The following KAZN variants were observed in gnomAD, a reference collection of about 807,000 sequenced individuals.
KAZN encodes the protein kazrin, periplakin interacting protein, also known as kazrin.
Under a neutral mutation model 87.4 loss-of-function variants are expected in KAZN, and 40 were observed. The ratio of observed to expected loss-of-function variants is 0.46; its 90% CI spans 0.36 to 0.60. The LOEUF is 0.60. Among genes scored for constraint, KAZN ranks in the 20% least tolerant of loss-of-function variants. The pLI, the probability that KAZN is intolerant of heterozygous loss-of-function variation, is 0.00. For synonymous variants in KAZN, 466 were observed against 458.3 expected, an observed-to-expected ratio of 1.02 and a Z score of -0.22; for missense variants, 898 against 1,073.9, an observed-to-expected ratio of 0.84 and a Z score of 2.29.
chr1:14,220,223 A>G (rs1343620807), intron 2 of KAZN, among the ~76,000 whole-genome samples: 3 of 152,174 alleles, frequency 2.0e-5, no homozygotes, highest in Non-Finnish European at 4.4e-5. Flanking sequence ...AGCTCCAGAC[A>G]TGTATTTCTG....
At chr1:14,162,149 T>TCA (rs1045497037) in intron 1 of KAZN, among the ~76,000 whole-genome samples, 7 of 152,236 alleles carry the variant, frequency 4.6e-5, no homozygotes, top group Non-Finnish European at 7.3e-5. Context: ...TCTCAGTCAC[T>TCA]GTTCCTTTTA....
In KAZN at chr1:14,737,609, T is replaced by C. The variant is rs780253598; in HGVS notation, c.226+138386T>C. Among the ~76,000 whole-genome samples, 10 of 152,336 alleles carry C rather than the reference T, an allele frequency of 6.6e-5. No individual in the cohort carries two copies. The South Asian group carries it at 1.2e-3, about 19-fold the overall frequency. ...CTTCTGGAGTTCAGAAGTCTGGCCA[T>C]GGCTGAACTGGGCTCTCTGCTCAGG... On this transcript the variant is annotated intron_variant, in intron 1 of 14. Transcript: ENST00000376030.
chr1:14,713,480 G>C (rs1037635648), intron 1 of KAZN, among the ~76,000 whole-genome samples: 1 of 152,100 alleles, frequency 6.6e-6, no homozygotes, highest in Non-Finnish European at 1.5e-5. Flanking sequence ...CCAGTGGGGG[G>C]TGATTTTGTC....
At chr1:15,033,229 T>G (rs368049057) in intron 2 of KAZN, among the ~76,000 whole-genome samples, 2 of 152,348 alleles carry the variant, frequency 1.3e-5, no homozygotes. Context: ...CCAATCCCCA[T>G]GCATACTGAG....
At chr1:15,092,069 T>C (rs868772913) in intron 8 of KAZN, among the ~76,000 whole-genome samples, 80 of 150,002 alleles carry the variant, frequency 5.3e-4, no homozygotes, top group African/African-American at 1.9e-3. Context: ...TGTTTTTTTT[T>C]TTGATTTTTT....
intron 1 of KAZN, among the ~76,000 whole-genome samples, chr1:14,891,596 G>A (rs990024705): frequency 6.6e-6 from 1 of 152,120 alleles, no homozygotes; most frequent in Non-Finnish European, 1.5e-5. Flanking sequence ...CTTTAACACT[G>A]TATTTATTTA....
At chr1:15,031,691 C>T (rs1168125098) in intron 2 of KAZN, among the ~76,000 whole-genome samples, 5 of 152,256 alleles carry the variant, frequency 3.3e-5, no homozygotes, top group Non-Finnish European at 7.4e-5. Flanking sequence ...GCAGCCTCAA[C>T]CTCCTGTGCT....
chr1:14,542,778 C>T (rs1387984001), intron 2 of KAZN, among the ~76,000 whole-genome samples: 1 of 152,162 alleles, frequency 6.6e-6, no homozygotes, highest in Non-Finnish European at 1.5e-5. Flanking sequence ...TCTTTACCTC[C>T]TGCTCAACTT....
intron 2 of KAZN, among the ~76,000 whole-genome samples, chr1:14,364,864 CCT>C (rs1489102671): frequency 6.6e-6 from 1 of 152,056 alleles, no homozygotes; most frequent in Admixed American, 6.6e-5. Flanking sequence ...TGGCATTCTC[CCT>C]GTGTGTGTCT....
rs575430982 is a variant in KAZN, at chr1:14,770,606, G to A, written c.226+171383G>A. Among the ~76,000 whole-genome samples the A allele has an allele frequency of 3.6e-3, 543 of 152,216 alleles. 3 individuals are homozygous for A. The highest frequency in any genetic ancestry group is 4.9e-3 in the Admixed American group (75 of 15,286). ...CAGGGCCATACACCACGGCAGCCCT[G>A]GGAGGAAGAGTGGGAATGGGATTGG... On this transcript the variant is annotated intron_variant, in intron 1 of 14. Coordinates refer to ENST00000376030, the MANE Select transcript of KAZN (RefSeq NM_201628.3).
At chr1:14,141,934 T>C (rs2101769259) in intron 1 of KAZN, among the ~76,000 whole-genome samples, 1 of 147,304 alleles carries the variant, frequency 6.8e-6, no homozygotes, top group Non-Finnish European at 1.5e-5. Flanking sequence ...GTGAAAATGT[T>C]AAGGCTTTGT....
chr1:14,076,984 G>A (rs1399949033), intron 1 of KAZN, among the ~76,000 whole-genome samples: 1 of 152,156 alleles, frequency 6.6e-6, no homozygotes, highest in African/African-American at 2.4e-5. Flanking sequence ...TGGTGTGATT[G>A]ATTCATACAC....
chr1:14,175,467 G>A (rs1646052590), intron 1 of KAZN, among the ~76,000 whole-genome samples: 2 of 152,206 alleles, frequency 1.3e-5, no homozygotes, highest in Non-Finnish European at 2.9e-5. Flanking sequence ...TTTATTCTTT[G>A]AGCAGACAGG....
At chr1:14,490,486 TTG>T (rs1366914448) in intron 2 of KAZN, among the ~76,000 whole-genome samples, 13 of 152,092 alleles carry the variant, frequency 8.5e-5, no homozygotes, top group African/African-American at 2.7e-4. Flanking sequence ...GTTTGTTTTT[TTG>T]GTTTGTTTGT....
intron 1 of KAZN, among the ~76,000 whole-genome samples, chr1:14,151,970 G>GT (rs1365367839): frequency 5.3e-5 from 8 of 152,270 alleles, no homozygotes; most frequent in South Asian, 2.1e-4. Context: ...TTTATTTCCT[G>GT]TTTTTTTGTT....
At chr1:14,528,638 A>G (rs762561388) in intron 2 of KAZN, among the ~76,000 whole-genome samples, 7 of 148,182 alleles carry the variant, frequency 4.7e-5, no homozygotes, top group Non-Finnish European at 4.5e-5. Context: ...AGTCCCAGCT[A>G]TTTGGGAGGT....
chr1:14,864,180 C>G (rs2101032049), intron 1 of KAZN, among the ~76,000 whole-genome samples: 1 of 152,286 alleles, frequency 6.6e-6, no homozygotes, highest in South Asian at 2.1e-4. Flanking sequence ...TCAAATCTTT[C>G]TTTACAAGGT....
At chr1:14,564,613 G>A (rs533198116) in intron 2 of KAZN, among the ~76,000 whole-genome samples, 4 of 151,256 alleles carry the variant, frequency 2.6e-5, no homozygotes, top group Non-Finnish European at 5.9e-5. Context: ...AGACCAGCCT[G>A]GCCAAGATGG....
intron 1 of KAZN, among the ~76,000 whole-genome samples, chr1:13,987,520 A>G (rs1365078098): frequency 6.6e-6 from 1 of 152,172 alleles, no homozygotes; most frequent in African/African-American, 2.4e-5. Context: ...CTATAACATA[A>G]TACCACAGAC....
Sources: gnomAD v4.1 joint callset for allele counts (sites outside exome capture counted in the v4.1 genomes callset) on GRCh38, gnomAD v4.1.1 for gene constraint, MANE v1.5 for transcripts, NCBI Gene and HGNC (gene_info 2026-07-23, HGNC 2026-07-21) for gene names.